FGFR2: variants seen among roughly 807,000 people sequenced by gnomAD.
The protein encoded by FGFR2 is fibroblast growth factor receptor 2.
A neutral mutation model predicts 95.9 loss-of-function variants in FGFR2; 19 were observed. The ratio of observed to expected loss-of-function variants is 0.20; its 90% CI spans 0.14 to 0.29. FGFR2 has a LOEUF of 0.29. Ranked by LOEUF, FGFR2 falls within the 10% of genes least tolerant of loss-of-function variation. FGFR2 has a pLI of 1.00. For missense variants in FGFR2, 707 were observed against 1,056.9 expected, an observed-to-expected ratio of 0.67 and a Z score of 4.59; for synonymous variants, 392 against 393.3, an observed-to-expected ratio of 1.00 and a Z score of 0.04.
intron 17 of FGFR2, chr10:121,482,317 A>G: frequency 1.5e-6 from 1 of 686,144 alleles, no homozygotes; most frequent in Admixed American, 2.4e-5. Context: ...CAACTTCTGA[A>G]GGTCAGCTGT....
At chr10:121,582,092 C>T (rs1051331650) in intron 2 of FGFR2, among the ~76,000 whole-genome samples, 4 of 152,044 alleles carry the variant, frequency 2.6e-5, no homozygotes, top group East Asian at 1.9e-4. Flanking sequence ...CCACCACCCC[C>T]GGCTAATTTT....
chr10:121,536,859 T>G (rs1852909692), intron 6 of FGFR2, among the ~76,000 whole-genome samples: 1 of 152,206 alleles, frequency 6.6e-6, no homozygotes, highest in East Asian at 1.9e-4. Context: ...TCAATTATTT[T>G]TTCCCACAAT....
intron 2 of FGFR2, among the ~76,000 whole-genome samples, chr10:121,573,670 G>A (rs989117501): frequency 2.6e-4 from 30 of 114,674 alleles, no homozygotes; most frequent in Non-Finnish European, 4.8e-4. Context: ...GGGGAGAGGA[G>A]AAAGAGGGAG....
At chr10:121,555,354 C>A (rs1855985778) in intron 4 of FGFR2, among the ~76,000 whole-genome samples, 1 of 146,736 alleles carries the variant, frequency 6.8e-6, no homozygotes, top group African/African-American at 2.5e-5. Context: ...GCCTGGGCGA[C>A]AAGAGCAAAA....
chr10:121,567,510 G>A (rs561304818), intron 2 of FGFR2, among the ~76,000 whole-genome samples: 163 of 152,328 alleles, frequency 1.1e-3, no homozygotes, highest in Non-Finnish European at 1.8e-3. Context: ...TGGAAGCTCC[G>A]CAGCAAGAGG....
intron 9 of FGFR2, among the ~76,000 whole-genome samples, chr10:121,514,374 C>T (rs141688076): frequency 2.4e-4 from 36 of 152,258 alleles, no homozygotes; most frequent in South Asian, 4.1e-4. Flanking sequence ...CTCCATCTTG[C>T]CCCATCTCCC....
intron 4 of FGFR2, among the ~76,000 whole-genome samples, chr10:121,554,416 G>A (rs1335131104): frequency 6.7e-6 from 1 of 150,290 alleles, no homozygotes; most frequent in Admixed American, 6.6e-5. Flanking sequence ...TTGGCTCACT[G>A]CAAGCTCTGC....
At chr10:121,536,848 C>T (rs1852908569) in intron 6 of FGFR2, among the ~76,000 whole-genome samples, 1 of 152,194 alleles carries the variant, frequency 6.6e-6, no homozygotes, top group Non-Finnish European at 1.5e-5. Context: ...ACTGCTATAG[C>T]TCAATTATTT....
At chr10:121,538,557 G>C (rs769558344) in intron 6 of FGFR2, 35 bp downstream of exon 6, 4 of 1,614,108 alleles carry the variant, frequency 2.5e-6, no homozygotes, top group Non-Finnish European at 2.5e-6. Flanking sequence ...GAATGGGCTG[G>C]TATGCAGCCG....
At chr10:121,542,559 G>A in intron 5 of FGFR2, among the ~76,000 whole-genome samples, 1 of 152,118 alleles carries the variant, frequency 6.6e-6, no homozygotes, top group South Asian at 2.1e-4. Context: ...AAATCTTTGT[G>A]GAATTCATCA....
intron 2 of FGFR2, among the ~76,000 whole-genome samples, chr10:121,581,098 G>C (rs896008953): frequency 1.3e-5 from 2 of 152,224 alleles, no homozygotes; most frequent in Non-Finnish European, 1.5e-5. Context: ...TAACAGAAAA[G>C]AGATAGGAAG....
chr10:121,561,810 C>T (rs1450185100), intron 4 of FGFR2, among the ~76,000 whole-genome samples: 3 of 152,146 alleles, frequency 2.0e-5, no homozygotes, highest in Admixed American at 2.0e-4. Context: ...GGACTGTTAT[C>T]CAAAATATAC....
In FGFR2 at chr10:121,516,304, T is replaced by C. The variant is rs41295561; in HGVS notation, c.1085-985A>G. Among the ~76,000 whole-genome samples the C allele has an allele frequency of 7.2e-3, 1,094 of 152,320 alleles. 16 individuals are homozygous for C. Among genetic ancestry groups the C allele is most frequent in the African/African-American group, 0.026 (1,062 of 41,560 alleles). Reference sequence around the variant, plus strand: ...AGCTTCAACATAAGAGACATCTCTTTGTTTCAAAGCAAATATTCACAGAGC... The same window carrying C: ...AGCTTCAACATAAGAGACATCTCTTCGTTTCAAAGCAAATATTCACAGAGC... On this transcript the variant is annotated intron_variant, in intron 8 of 17. Transcript: ENST00000358487.
intron 11 of FGFR2, among the ~76,000 whole-genome samples, chr10:121,499,975 G>A (rs1389018908): frequency 6.6e-6 from 1 of 152,172 alleles, no homozygotes; most frequent in African/African-American, 2.4e-5. Context: ...GAAAGACAAA[G>A]CCTAACTCCA....
At chr10:121,585,386 TGTAGA>T (rs545373071) in intron 2 of FGFR2, among the ~76,000 whole-genome samples, 263 of 152,336 alleles carry the variant, frequency 1.7e-3, no homozygotes, top group African/African-American at 6.1e-3. Context: ...TTGGTAATAT[TGTAGA>T]GTAAACATCT....
At chr10:121,495,849 G>A (rs945405984) in intron 13 of FGFR2, among the ~76,000 whole-genome samples, 4 of 152,216 alleles carry the variant, frequency 2.6e-5, no homozygotes, top group African/African-American at 9.6e-5. Context: ...GTGTGGGGCT[G>A]ACAAGGGAGT....
At chr10:121,555,357 G>A (rs1383121735) in intron 4 of FGFR2, among the ~76,000 whole-genome samples, 2 of 142,736 alleles carry the variant, frequency 1.4e-5, no homozygotes, top group African/African-American at 5.3e-5. Flanking sequence ...TGGGCGACAA[G>A]AGCAAAACTC....
At position 121,517,311 on chromosome 10, in the gene FGFR2, G is replaced by A. The variant is rs1589827584; in HGVS notation, c.1084+8C>T. 2 of 1,614,106 alleles carry A rather than the reference G, an allele frequency of 1.2e-6. No homozygotes were observed. The highest frequency in any genetic ancestry group is 1.1e-5 in the South Asian group (1 of 91,078). The stretch of plus-strand genomic sequence containing the variant: ...GAAAAAAACCCAGAGAGAAAGAACA[G>A]TATATACCTGGCAGAACTGTCAACC... On this transcript the variant is annotated splice_region_variant and intron_variant, in intron 8 of 17. Transcript: ENST00000358487. The surrounding 1 kb of genome is among the most constrained non-coding windows in gnomAD (Gnocchi z 4.7).
At chr10:121,491,367 G>C (rs1174508837) in intron 13 of FGFR2, among the ~76,000 whole-genome samples, 1 of 152,082 alleles carries the variant, frequency 6.6e-6, no homozygotes, top group Admixed American at 6.5e-5. Context: ...ACAGGGAGCT[G>C]ACCATTTTAT....
Sources: allele counts gnomAD v4.1 joint callset (sites outside exome capture counted in the v4.1 genomes callset), GRCh38; gene constraint gnomAD v4.1.1; non-coding constraint Gnocchi (gnomAD v3.1); transcripts MANE v1.5; gene names NCBI Gene and HGNC (gene_info 2026-07-23, HGNC 2026-07-21).